Variants in BSN observed in about 807,000 individuals in gnomAD.
The protein encoded by BSN is protein bassoon.
In BSN, 57 loss-of-function variants were observed where a neutral mutation model predicts 264.8. That is an observed-to-expected ratio of 0.22 (90% CI 0.17 to 0.27). The LOEUF (loss-of-function observed/expected upper bound fraction) is 0.27. BSN is among the 10% of genes least tolerant of loss of function. BSN has a pLI of 1.00. For missense variants in BSN, 4,615 were observed against 5,232.5 expected (o/e 0.88, Z 3.64); for synonymous variants, 2,059 against 2,137.3 (o/e 0.96, Z 1.01).
chr3:49,630,798 G>A (rs1261062509), intron 2 of BSN, among the ~76,000 whole-genome samples: 2 of 152,160 alleles, frequency 1.3e-5, no homozygotes, highest in Non-Finnish European at 2.9e-5. Context: ...GAATAAAGTA[G>A]GAGTTGGAAG....
At chr3:49,634,208 A>G (rs969177215) in intron 2 of BSN, among the ~76,000 whole-genome samples, 4 of 143,468 alleles carry the variant, frequency 2.8e-5, no homozygotes, top group Middle Eastern at 7.2e-3. Flanking sequence ...CTCTGCCTTT[A>G]AAAAAAAAAA....
At chr3:49,587,125 C>G (rs189718930) in intron 1 of BSN, among the ~76,000 whole-genome samples, 2 of 151,970 alleles carry the variant, frequency 1.3e-5, no homozygotes, top group African/African-American at 2.4e-5. Flanking sequence ...TCTTTTACTT[C>G]TTTGGTTAAG....
In BSN at chr3:49,661,539, G is replaced by T. The variant is rs751951689; in HGVS notation, c.9694G>T (p.Val3232Leu). 6.2e-7 allele frequency: 1 copy of T among 1,614,038 alleles called. No homozygotes were observed. The highest frequency in any genetic ancestry group is 8.5e-7 in the Non-Finnish European group (1 of 1,180,040). ...SLEQNVPRNY[V>L]MIDDISELTK... Reference sequence around the variant, plus strand: ...GGAGCAGAACGTTCCTCGAAACTACGTAATGATTGATGACATCAGTGAACT... The same window carrying T: ...GGAGCAGAACGTTCCTCGAAACTACTTAATGATTGATGACATCAGTGAACT... Residue 3232 changes from valine (V) to leucine (L), a missense_variant, in exon 6 of 12, where the codon GTA (valine) becomes TTA (leucine). Around this residue, in one of 3 missense-constraint regions of BSN, gnomAD observed 3,415 missense variants for 3,866.4 expected, o/e 0.88. Transcript: ENST00000296452.
chr3:49,664,278 T>A (rs2052691954), intron 8 of BSN, 145 bp from the exon 9 acceptor site: 1 of 1,080,690 alleles, frequency 9.3e-7, no homozygotes, highest in African/African-American at 1.6e-5. Flanking sequence ...TGTTCTTACC[T>A]TCTTCTCTTT....
At chr3:49,581,123 A>G (rs1222566524) in intron 1 of BSN, among the ~76,000 whole-genome samples, 1 of 152,122 alleles carries the variant, frequency 6.6e-6, no homozygotes, top group Non-Finnish European at 1.5e-5. Flanking sequence ...CTGGGCCTAC[A>G]GAAGTGTGCC....
At chr3:49,594,957 C>T (rs2052010271) in intron 1 of BSN, among the ~76,000 whole-genome samples, 1 of 149,346 alleles carries the variant, frequency 6.7e-6, no homozygotes, top group Non-Finnish European at 1.5e-5. Context: ...GTGGCACAAT[C>T]TCGGCTCACT....
At chr3:49,634,159 G>A (rs1054763131) in intron 2 of BSN, among the ~76,000 whole-genome samples, 1 of 151,092 alleles carries the variant, frequency 6.6e-6, no homozygotes, top group East Asian at 2.0e-4. Context: ...AGTGAGCTGA[G>A]ATAGTGCCAC....
Position 49,650,896 on chromosome 3 carries a change from C to G in BSN, c.1803C>G (p.Thr601=), listed in dbSNP as rs955392828. The change falls in exon 4 of 12, where the codon ACC becomes ACG. Residue 601 remains threonine (T), a synonymous_variant. Transcript: ENST00000296452. ...TCAGGGCTTCTGAACCCAGCAAGAC[C>G]CCAAGCAGTGTCCAGGAAAAGAAGA... is the stretch of plus-strand genomic sequence containing the variant. ...KPLRASEPSK[T]PSSVQEKKTR... is the part of the protein sequence containing the mutation. 5 of 1,614,080 alleles carry G rather than the reference C, an allele frequency of 3.1e-6. No homozygotes were observed. The highest frequency in any genetic ancestry group is 3.4e-6 in the Non-Finnish European group (4 of 1,180,056).
intron 1 of BSN, among the ~76,000 whole-genome samples, chr3:49,593,895 C>G (rs571732624): frequency 6.6e-6 from 1 of 151,260 alleles, no homozygotes; most frequent in East Asian, 1.9e-4. Flanking sequence ...CTCCGCCTCC[C>G]AGGTTCACGC....
In BSN at chr3:49,656,629, A is replaced by T; in HGVS notation, c.7073A>T (p.Glu2358Val). 6.2e-7 allele frequency: 1 copy of T among 1,609,108 alleles called. No individual in the cohort carries two copies. Among genetic ancestry groups the T allele is most frequent in the Non-Finnish European group, 8.5e-7 (1 of 1,177,664 alleles). The change falls in exon 5 of 12, where the codon GAA becomes GTA. Residue 2358 changes from glutamate to valine, a missense_variant. This residue lies in a region of BSN where 3,415 missense variants were observed against 3,866.4 expected (regional missense o/e 0.88). Transcript: ENST00000296452. Reference sequence around the variant, plus strand: ...AGCCGGCCAGGGTTCGAGAAAGAGGAAGCATCACAGGAGGAGAGGCAGCGG... The same window carrying T: ...AGCCGGCCAGGGTTCGAGAAAGAGGTAGCATCACAGGAGGAGAGGCAGCGG... ...ALSRPGFEKE[E>V]ASQEERQRKQ...
intron 1 of BSN, among the ~76,000 whole-genome samples, chr3:49,605,385 A>T (rs1298510741): frequency 1.8e-5 from 1 of 56,850 alleles, no homozygotes; most frequent in Non-Finnish European, 3.1e-5. Flanking sequence ...ATATATAAAT[A>T]TATATTTTAT....
intron 1 of BSN, among the ~76,000 whole-genome samples, chr3:49,607,562 G>A (rs777965006): frequency 4.6e-5 from 7 of 152,192 alleles, no homozygotes; most frequent in South Asian, 2.1e-4. Context: ...GCACACTCAC[G>A]TGTGAGCACA....
Position 49,651,493 on chromosome 3 carries a change from C to T in BSN, c.1987-50C>T, listed in dbSNP as rs1284658823. 1 of 1,519,074 alleles carries T rather than the reference C, an allele frequency of 6.6e-7. No individual in the cohort carries two copies. The highest frequency in any genetic ancestry group is 8.8e-7 in the Non-Finnish European group (1 of 1,130,714). The allele number at this position is 1,519,074 out of a possible 1,614,324, so 94.1% of individuals were successfully genotyped here. On this transcript the variant is annotated intron_variant, in intron 4 of 11. Coordinates refer to ENST00000296452, the MANE Select transcript of BSN (RefSeq NM_003458.4). The surrounding 1 kb of genome is among the most constrained non-coding windows in gnomAD (Gnocchi z 5.4). ...ATTGACAGGGAGGATTGGGTTCCCA[C>T]CACGAGCTTTGCCATGGGGAGTCAG... is the stretch of plus-strand genomic sequence containing the variant.
At chr3:49,574,550 C>T (rs1454837854) in intron 1 of BSN, among the ~76,000 whole-genome samples, 1 of 151,876 alleles carries the variant, frequency 6.6e-6, no homozygotes, top group East Asian at 1.9e-4. Flanking sequence ...TCTCCTGCCT[C>T]AGCCTGCCTA....
chr3:49,640,552 G>A (rs1430429984), intron 2 of BSN: 1 of 152,212 alleles, frequency 6.6e-6, no homozygotes, highest in African/African-American at 2.4e-5. Flanking sequence ...AGGCTGGAGT[G>A]CAGCGGCACA....
intron 1 of BSN, among the ~76,000 whole-genome samples, chr3:49,603,552 A>G (rs1268484405): frequency 6.6e-6 from 1 of 152,156 alleles, no homozygotes. Flanking sequence ...AGTAGACCCT[A>G]TGGGTCAGGA....
At chr3:49,596,988 T>C (rs1295387108) in intron 1 of BSN, among the ~76,000 whole-genome samples, 1 of 152,234 alleles carries the variant, frequency 6.6e-6, no homozygotes, top group Admixed American at 6.5e-5. Context: ...GCTTTCATTT[T>C]TGAATGATAG....
At chr3:49,621,503 A>AT (rs1467864856) in intron 1 of BSN, among the ~76,000 whole-genome samples, 1 of 152,168 alleles carries the variant, frequency 6.6e-6, no homozygotes, top group Non-Finnish European at 1.5e-5. Context: ...TAGTGAACTT[A>AT]TTTCAGGAAG....
chr3:49,620,998 G>T (rs763524240), intron 1 of BSN, among the ~76,000 whole-genome samples: 29 of 152,172 alleles, frequency 1.9e-4, no homozygotes, highest in Non-Finnish European at 3.5e-4. Context: ...GGTGGGGTGA[G>T]GAGGAGGGAG....
Sources: allele counts gnomAD v4.1 joint callset (sites outside exome capture counted in the v4.1 genomes callset), GRCh38; gene constraint gnomAD v4.1.1; regional missense constraint gnomAD v4.1.1; non-coding constraint Gnocchi (gnomAD v3.1); transcripts MANE v1.5; gene names NCBI Gene and HGNC (gene_info 2026-07-23, HGNC 2026-07-21).